Variants in CERT1 observed in about 807,000 individuals in gnomAD.
CERT1 encodes the protein ceramide transfer protein.
In CERT1, 31 loss-of-function variants were observed where a neutral mutation model predicts 87.9. That is an observed-to-expected ratio of 0.35 (90% CI 0.27 to 0.48). The LOEUF (loss-of-function observed/expected upper bound fraction) is 0.48. Among genes scored for constraint, CERT1 ranks in the 20% least tolerant of loss-of-function variants. The pLI, the probability that CERT1 is intolerant of heterozygous loss-of-function variation, is 0.99. For missense variants in CERT1, 487 were observed against 758.0 expected (o/e 0.64, Z 4.20); for synonymous variants, 289 against 250.9 (o/e 1.15, Z -1.44).
At chr5:75,413,797 T>C (rs1474705363) in intron 7 of CERT1, among the ~76,000 whole-genome samples, 1 of 152,066 alleles carries the variant, frequency 6.6e-6, no homozygotes, top group Admixed American at 6.5e-5. Context: ...TAAAAATAAT[T>C]GGAATCCTCA....
chr5:75,473,504 T>G (rs1765809134), intron 2 of CERT1, among the ~76,000 whole-genome samples: 1 of 152,162 alleles, frequency 6.6e-6, no homozygotes, highest in African/African-American at 2.4e-5. Context: ...TTCCCTCATA[T>G]GTAGAATCTT....
intron 8 of CERT1, 58 bp from the exon 9 acceptor site, chr5:75,403,116 A>G: frequency 8.9e-7 from 1 of 1,129,842 alleles, no homozygotes; most frequent in Non-Finnish European, 1.3e-6. Context: ...GAAAACTCTG[A>G]TAACTCTGGT....
chr5:75,445,556 C>T (rs1285824513), intron 3 of CERT1, among the ~76,000 whole-genome samples: 1 of 152,126 alleles, frequency 6.6e-6, no homozygotes, highest in African/African-American at 2.4e-5. Flanking sequence ...AACTCCTGGG[C>T]TCAAGTGACT....
downstream of CERT1, chr5:75,374,533 C>T (rs530539318): frequency 8.4e-6 from 6 of 717,656 alleles, no homozygotes; most frequent in Admixed American, 3.5e-5. Flanking sequence ...GTTTGCTGCA[C>T]GAACCGTGCC....
At position 75,511,394 on chromosome 5, in the gene CERT1, G is replaced by A; in HGVS notation, c.-187C>T. 6.5e-7 allele frequency: 1 copy of A among 1,546,454 alleles called. No homozygotes were observed. Among genetic ancestry groups the A allele is most frequent in the Non-Finnish European group, 8.7e-7 (1 of 1,145,780 alleles). The stretch of plus-strand genomic sequence containing the variant: ...GCCGCCGCGCCTGACACCGAGCGGA[G>A]CGAGGAAGGAGGACGAGCGGTGAAG... On this transcript the variant is annotated 5_prime_UTR_variant, in exon 1 of 17. Coordinates refer to ENST00000643780, the MANE Select transcript of CERT1 (RefSeq NM_001379029.1).
At chr5:75,394,794 T>G (rs747380570) in intron 11 of CERT1, among the ~76,000 whole-genome samples, 8 of 152,150 alleles carry the variant, frequency 5.3e-5, no homozygotes, top group Non-Finnish European at 8.8e-5. Context: ...GTTCCCACAA[T>G]TATGCTTCTA....
chr5:75,476,572 T>C (rs1461356151), intron 2 of CERT1, among the ~76,000 whole-genome samples: 2 of 152,166 alleles, frequency 1.3e-5, no homozygotes, highest in East Asian at 3.8e-4. Context: ...TCCCTTCCTT[T>C]GCCACCTTAT....
intron 7 of CERT1, among the ~76,000 whole-genome samples, chr5:75,412,567 T>C (rs1203292968): frequency 6.6e-6 from 1 of 152,188 alleles, no homozygotes; most frequent in East Asian, 1.9e-4. Context: ...ATAAACATCA[T>C]AGAGTGTACT....
At chr5:75,400,326 A>T in intron 9 of CERT1, 29 bp from the exon 10 acceptor site, 1 of 1,486,890 alleles carries the variant, frequency 6.7e-7, no homozygotes, top group East Asian at 2.3e-5. Flanking sequence ...TTAAGATGGG[A>T]AGGTTTTAAA....
intron 1 of CERT1, among the ~76,000 whole-genome samples, chr5:75,509,641 A>G (rs908156915): frequency 6.6e-6 from 1 of 152,108 alleles, no homozygotes; most frequent in African/African-American, 2.4e-5. Context: ...ACCCCCAAAA[A>G]AGTAATTATC....
chr5:75,509,677 C>T (rs189497999), intron 1 of CERT1, among the ~76,000 whole-genome samples: 20 of 152,140 alleles, frequency 1.3e-4, no homozygotes, highest in African/African-American at 4.3e-4. Context: ...CAATTTGTTT[C>T]GTAAAATACT....
In CERT1 at chr5:75,385,059, T is replaced by A. The variant is rs114314935; in HGVS notation, c.1418-347A>T. Among the ~76,000 whole-genome samples, 1,237 of 152,280 alleles carry A rather than the reference T, an allele frequency of 8.1e-3. 10 individuals carry two copies. The highest frequency in any genetic ancestry group is 0.02 in the African/African-American group (815 of 41,546). On this transcript the variant is annotated intron_variant, in intron 13 of 16. Transcript: ENST00000643780. ...TATTGATGTTAAATAAATTGTTATA[T>A]CTAATCTTAGGTGGCTATTTCTGTG... is the stretch of plus-strand genomic sequence containing the variant.
downstream of CERT1, chr5:75,372,994 C>T (rs1761141057): frequency 6.6e-6 from 1 of 152,212 alleles, no homozygotes; most frequent in African/African-American, 2.4e-5. Flanking sequence ...CTTGCCTCAT[C>T]TCCATGCTTC....
intron 2 of CERT1, among the ~76,000 whole-genome samples, chr5:75,479,947 G>C (rs368623882): frequency 6.6e-6 from 1 of 152,142 alleles, no homozygotes; most frequent in African/African-American, 2.4e-5. Context: ...AACCTTGCCA[G>C]CATCTGTTGT....
intron 2 of CERT1, among the ~76,000 whole-genome samples, chr5:75,482,855 C>G (rs1580834865): frequency 6.6e-6 from 1 of 152,302 alleles, no homozygotes; most frequent in African/African-American, 2.4e-5. Context: ...GCTATAGCAA[C>G]TAGGGACTGA....
At chr5:75,478,637 AG>A (rs1766081228) in intron 2 of CERT1, among the ~76,000 whole-genome samples, 1 of 152,158 alleles carries the variant, frequency 6.6e-6, no homozygotes. Flanking sequence ...TTACCCTTCT[AG>A]CAGAAGACTA....
At chr5:75,433,860 A>C (rs1763973449) in intron 3 of CERT1, among the ~76,000 whole-genome samples, 1 of 152,078 alleles carries the variant, frequency 6.6e-6, no homozygotes. Flanking sequence ...TATACCCTGA[A>C]TTTGTTTATT....
At chr5:75,381,250 A>G (rs769597641) in intron 15 of CERT1, 49 bp from the exon 16 acceptor site, 38 of 1,607,046 alleles carry the variant, frequency 2.4e-5, no homozygotes, top group Non-Finnish European at 3.1e-5. Flanking sequence ...TATTTTGTAA[A>G]CTCTGCTGGT....
chr5:75,428,268 T>C (rs1250126563), intron 3 of CERT1, among the ~76,000 whole-genome samples: 1 of 152,158 alleles, frequency 6.6e-6, no homozygotes, highest in Non-Finnish European at 1.5e-5. Context: ...AACTTTAATA[T>C]TCTAGGATCT....
Sources: gnomAD v4.1 joint callset for allele counts (sites outside exome capture counted in the v4.1 genomes callset) on GRCh38, gnomAD v4.1.1 for gene constraint, MANE v1.5 for transcripts, NCBI Gene and HGNC (gene_info 2026-07-23, HGNC 2026-07-21) for gene names.